CD8B2: variants seen among roughly 807,000 people sequenced by gnomAD.
CD8B2 encodes T-cell surface glycoprotein CD8 beta-2 chain.
CD8B2 carries 11 observed loss-of-function variants against 23.7 expected under a neutral mutation model. The observed-to-expected ratio is 0.46, with a 90% CI of 0.29 to 0.77. The LOEUF (loss-of-function observed/expected upper bound fraction) is 0.77, where lower values mean the gene tolerates loss of function less well. Ranked by LOEUF, CD8B2 falls within the 30% of genes least tolerant of loss-of-function variation. The probability of loss-of-function intolerance (pLI) is 0.09; values close to 1 mark genes in which losing one functional copy is unlikely to be tolerated. For synonymous variants in CD8B2, 90 were observed against 109.3 expected (o/e 0.82, Z 1.10); for missense variants, 197 against 270.5 (o/e 0.73, Z 1.91).
chr2:106,530,392 T>G (rs1017787727), intron 5 of CD8B2, among the ~76,000 whole-genome samples: 1 of 152,120 alleles, frequency 6.6e-6, no homozygotes, highest in Non-Finnish European at 1.5e-5. Flanking sequence ...CCAGCTTTTT[T>G]GTTTTGGAGA....
Position 106,522,219 on chromosome 2 carries a change from C to G in CD8B2, c.620+17894C>G, listed in dbSNP as rs532270199. ...CCATTACATAATTAAATTTATGGCT[C>G]TCCTCTACACAGGGCTAAAAAGTCA... On this transcript the variant is annotated intron_variant, in intron 5 of 5. Transcript: ENST00000416057. 45 of 152,204 alleles carry G rather than the reference C, an allele frequency of 3.0e-4. 1 individual carries two copies. The highest frequency in any genetic ancestry group is 1.0e-3 in the African/African-American group (43 of 41,540). 9.4% of individuals were successfully genotyped at this position (152,204 alleles called of 1,614,324 possible). A position where few individuals can be genotyped will look rare whatever the true frequency, so the allele number is the denominator to read the frequency against.
intron 2 of CD8B2, among the ~76,000 whole-genome samples, chr2:106,493,434 G>A (rs1042137690): frequency 5.9e-5 from 9 of 152,174 alleles, no homozygotes; most frequent in African/African-American, 1.9e-4. Context: ...AGACCCAGGC[G>A]GCGGTGCCCA....
chr2:106,500,776 C>A (rs1458636314), intron 3 of CD8B2, among the ~76,000 whole-genome samples: 1 of 151,954 alleles, frequency 6.6e-6, no homozygotes, highest in Non-Finnish European at 1.5e-5. Context: ...GCCACAGGGG[C>A]CTGAAGGGTG....
In CD8B2 at chr2:106,524,948, T is replaced by C. The variant is rs577230563; in HGVS notation, c.621-19044T>C. ...GCACCCACTCCAGTATTTCTCTTCA[T>C]CTACTCTCCTCAGCCAGTCTCCAGC... On this transcript the variant is annotated intron_variant, in intron 5 of 5. Coordinates refer to the CD8B2 transcript ENST00000416057. Among the ~76,000 whole-genome samples the C allele has an allele frequency of 5.3e-5, 8 of 152,258 alleles. No individual in the cohort carries two copies. The South Asian group carries it at 1.7e-3, about 32-fold the overall frequency.
intron 5 of CD8B2, among the ~76,000 whole-genome samples, chr2:106,534,328 A>C (rs150451734): frequency 3.9e-5 from 6 of 152,310 alleles, no homozygotes; most frequent in Non-Finnish European, 5.9e-5. Context: ...TAAGGTCCTG[A>C]GGAAGAACTA....
intron 5 of CD8B2, among the ~76,000 whole-genome samples, chr2:106,522,564 C>T (rs1278630195): frequency 1.3e-5 from 2 of 152,160 alleles, no homozygotes; most frequent in Admixed American, 1.3e-4. Flanking sequence ...GTTCTGGGTG[C>T]TGGTAAAGTC....
chr2:106,544,080 T>A (rs1345377798), exon 6 of CD8B2: 1 of 398,514 alleles, frequency 2.5e-6, no homozygotes, highest in Non-Finnish European at 4.4e-6. Flanking sequence ...CAAGAGCACG[T>A]GGGTGGCCTG....
intron 2 of CD8B2, 100 bp from the exon 3 acceptor site, chr2:106,496,073 C>T: frequency 6.5e-7 from 1 of 1,540,600 alleles, no homozygotes; most frequent in Non-Finnish European, 8.8e-7. Context: ...GTTGGGATTC[C>T]AGGCATGAGC....
chr2:106,542,388 A>G (rs1472743423), intron 5 of CD8B2, among the ~76,000 whole-genome samples: 1 of 152,206 alleles, frequency 6.6e-6, no homozygotes, highest in East Asian at 1.9e-4. Flanking sequence ...AGTCATGAAT[A>G]GAGATTGTTA....
intron 5 of CD8B2, among the ~76,000 whole-genome samples, chr2:106,522,651 C>T (rs1234588768): frequency 1.3e-5 from 2 of 152,160 alleles, no homozygotes; most frequent in Admixed American, 6.5e-5. Flanking sequence ...AGTTTAACCT[C>T]AAGTCTCCCA....
intron 5 of CD8B2, chr2:106,522,252 T>G (rs940719283): frequency 3.9e-5 from 6 of 152,202 alleles, no homozygotes; most frequent in Non-Finnish European, 7.3e-5. Flanking sequence ...TCACTCCTGA[T>G]TTTATTTCCT....
chr2:106,490,235 T>C (rs1573327126), intron 1 of CD8B2, among the ~76,000 whole-genome samples: 1 of 151,630 alleles, frequency 6.6e-6, no homozygotes, highest in Non-Finnish European at 1.5e-5. Flanking sequence ...CCAGGGGAGG[T>C]GAAAGGCAAC....
chr2:106,518,623 C>A (rs1027245719), intron 5 of CD8B2, among the ~76,000 whole-genome samples: 3 of 152,242 alleles, frequency 2.0e-5, no homozygotes, highest in African/African-American at 4.8e-5. Flanking sequence ...TTAATTAATT[C>A]ATCTCTCCCT....
At chr2:106,538,361 C>T (rs916766401) in intron 5 of CD8B2, among the ~76,000 whole-genome samples, 5 of 152,150 alleles carry the variant, frequency 3.3e-5, no homozygotes, top group Non-Finnish European at 7.4e-5. Context: ...TTGCTTTTTG[C>T]TTGAAACGGT....
chr2:106,523,240 C>T (rs1371898186), intron 5 of CD8B2, among the ~76,000 whole-genome samples: 1 of 152,142 alleles, frequency 6.6e-6, no homozygotes, highest in Non-Finnish European at 1.5e-5. Flanking sequence ...AATTTGCTAC[C>T]AAGTGATCCT....
At chr2:106,538,398 C>T (rs1006938411) in intron 5 of CD8B2, among the ~76,000 whole-genome samples, 2 of 152,082 alleles carry the variant, frequency 1.3e-5, no homozygotes, top group East Asian at 3.9e-4. Flanking sequence ...TTTCTCTTTA[C>T]TTGTTCTTAA....
intron 5 of CD8B2, among the ~76,000 whole-genome samples, chr2:106,541,563 G>A (rs1680174474): frequency 6.6e-6 from 1 of 152,180 alleles, no homozygotes; most frequent in African/African-American, 2.4e-5. Context: ...AAAGGTATGA[G>A]GTTGAGAAAC....
chr2:106,515,223 G>A (rs1402961299), downstream of CD8B2, among the ~76,000 whole-genome samples: 1 of 152,216 alleles, frequency 6.6e-6, no homozygotes, highest in Non-Finnish European at 1.5e-5. Flanking sequence ...ACTTTTCTGG[G>A]ATGGAGGCTG....
intron 5 of CD8B2, among the ~76,000 whole-genome samples, chr2:106,528,010 G>A (rs939929821): frequency 3.3e-5 from 5 of 152,168 alleles, no homozygotes; most frequent in Non-Finnish European, 5.9e-5. Context: ...AGGTATAAGA[G>A]CTCAAGGACC....
Sources: gnomAD v4.1 joint callset for allele counts (sites outside exome capture counted in the v4.1 genomes callset) on GRCh38, gnomAD v4.1.1 for gene constraint, MANE v1.5 for transcripts, NCBI Gene and HGNC (gene_info 2026-07-23, HGNC 2026-07-21) for gene names.